FOXN3: variants seen among roughly 807,000 people sequenced by gnomAD.
FOXN3 encodes the protein forkhead box protein N3.
Under a neutral mutation model 38.4 loss-of-function variants are expected in FOXN3, and 7 were observed. The observed-to-expected ratio is 0.18, with a 90% CI of 0.10 to 0.34. The LOEUF is 0.34. Ranked by LOEUF, FOXN3 falls within the 10% of genes least tolerant of loss-of-function variation. The pLI, the probability that FOXN3 is intolerant of heterozygous loss-of-function variation, is 1.00. For missense variants in FOXN3, 456 were observed against 613.4 expected, an observed-to-expected ratio of 0.74 and a Z score of 2.71; for synonymous variants, 230 against 242.2, an observed-to-expected ratio of 0.95 and a Z score of 0.47.
At chr14:89,231,572 G>A (rs1024470624) in intron 4 of FOXN3, among the ~76,000 whole-genome samples, 1 of 152,142 alleles carries the variant, frequency 6.6e-6, no homozygotes, top group African/African-American at 2.4e-5. Context: ...TGACAGAGGA[G>A]TGTGGTTCTG....
intron 1 of FOXN3, among the ~76,000 whole-genome samples, chr14:89,525,631 T>TAAAAAA (rs55848557): frequency 8.1e-6 from 1 of 123,892 alleles, no homozygotes. Flanking sequence ...TTGTTTTCAC[T>TAAAAAA]AAAAAAAAAA....
chr14:89,185,362 C>T (rs1001175308), intron 4 of FOXN3, among the ~76,000 whole-genome samples: 1 of 152,216 alleles, frequency 6.6e-6, no homozygotes, highest in South Asian at 2.1e-4. Context: ...TAGAGAAAGG[C>T]ATTCTGAGGC....
chr14:89,225,514 G>C (rs1478203739), intron 4 of FOXN3, among the ~76,000 whole-genome samples: 1 of 152,078 alleles, frequency 6.6e-6, no homozygotes, highest in Non-Finnish European at 1.5e-5. Context: ...TGAGGCAGGA[G>C]AATGGCGTGA....
chr14:89,583,482 C>T (rs1895785464), intron 1 of FOXN3, among the ~76,000 whole-genome samples: 1 of 152,180 alleles, frequency 6.6e-6, no homozygotes, highest in Non-Finnish European at 1.5e-5. Flanking sequence ...CTCACCAGAC[C>T]CAATGCTGGC....
rs1369843445 is a variant in FOXN3 at position 89,163,128 on chromosome 14, C to T, written c.852-159G>A. The stretch of plus-strand genomic sequence containing the variant: ...ACTGTGGGGGCAACAGGTGGATCTG[C>T]TTTGAAGGCAGGGTCCTAAATCCTG... On this transcript the variant is annotated intron_variant, in intron 5 of 5. Transcript: ENST00000557258. This position sits in a 1 kb window ranked among gnomAD's most constrained non-coding sequence, Gnocchi z 4.3. 6.6e-6 allele frequency among the ~76,000 whole-genome samples: 1 copy of T among 152,158 alleles called. No individual in the cohort carries two copies. Among genetic ancestry groups the T allele is most frequent in the African/African-American group, 2.4e-5 (1 of 41,444 alleles).
intron 1 of FOXN3, among the ~76,000 whole-genome samples, chr14:89,614,512 T>C (rs1020316094): frequency 6.6e-6 from 1 of 152,186 alleles, no homozygotes; most frequent in African/African-American, 2.4e-5. Flanking sequence ...TTTTTCCTGC[T>C]CACTATGAGC....
chr14:89,518,333 C>T (rs911926032), intron 1 of FOXN3, among the ~76,000 whole-genome samples: 5 of 152,170 alleles, frequency 3.3e-5, no homozygotes, highest in Non-Finnish European at 1.5e-5. Flanking sequence ...CTCTGATCAG[C>T]CCCCAAATCC....
At chr14:89,491,785 A>G (rs1893581879) in intron 1 of FOXN3, among the ~76,000 whole-genome samples, 1 of 152,134 alleles carries the variant, frequency 6.6e-6, no homozygotes, top group African/African-American at 2.4e-5. Context: ...ACTATTTGGG[A>G]ATCCCTCAAA....
chr14:89,429,088 G>T (rs1892105992), intron 1 of FOXN3, among the ~76,000 whole-genome samples: 1 of 152,230 alleles, frequency 6.6e-6, no homozygotes, highest in South Asian at 2.1e-4. Context: ...ATGATTTGGA[G>T]TTGGGAGGCA....
intron 1 of FOXN3, among the ~76,000 whole-genome samples, chr14:89,579,644 T>C (rs889321398): frequency 1.3e-5 from 2 of 151,996 alleles, no homozygotes; most frequent in African/African-American, 4.8e-5. Flanking sequence ...CAGGTCCTTC[T>C]TCCTGTTCCT....
intron 2 of FOXN3, among the ~76,000 whole-genome samples, chr14:89,370,629 T>C (rs953744798): frequency 1.3e-5 from 2 of 152,246 alleles, no homozygotes; most frequent in African/African-American, 4.8e-5. Context: ...TTTAGAAATG[T>C]TTAAAGGGAA....
chr14:89,618,682 C>T (rs1049648972), intron 1 of FOXN3, among the ~76,000 whole-genome samples: 2 of 151,766 alleles, frequency 1.3e-5, no homozygotes, highest in Admixed American at 6.6e-5. Context: ...AACAGAATTG[C>T]ATCAATTATT....
intron 1 of FOXN3, among the ~76,000 whole-genome samples, chr14:89,602,494 T>C (rs187765251): frequency 1.5e-4 from 22 of 150,984 alleles, no homozygotes; most frequent in African/African-American, 5.3e-4. Flanking sequence ...CATTTTTTTC[T>C]TTTTTTTCTT....
chr14:89,390,274 T>C (rs1272882223), intron 2 of FOXN3, among the ~76,000 whole-genome samples: 8 of 145,896 alleles, frequency 5.5e-5, no homozygotes, highest in South Asian at 4.3e-4. Context: ...TATGTTTCAA[T>C]AGATCTCTCT....
In FOXN3 at chr14:89,385,499, T is replaced by TAAAAAAA. The variant is rs10681650; in HGVS notation, c.543+26428_543+26434dup. On this transcript the variant is annotated intron_variant, in intron 2 of 5. Transcript: ENST00000557258. ...AATAACAAAAGCTGAGGCAAACATT[T>TAAAAAAA]AAAAAAAAAAAAAAAAAAAAAAGGA... 4.7e-3 allele frequency among the ~76,000 whole-genome samples: 516 copies of TAAAAAAA among 108,750 alleles called. 4 individuals are homozygous for TAAAAAAA. Among genetic ancestry groups the TAAAAAAA allele is most frequent in the East Asian group, 0.01 (36 of 3,538 alleles). 71.3% of individuals were successfully genotyped at this position (108,750 alleles called of 152,430 possible). A position where few individuals can be genotyped will look rare whatever the true frequency, so the allele number is the denominator to read the frequency against.
chr14:89,359,138 T>C (rs918018649), intron 2 of FOXN3, among the ~76,000 whole-genome samples: 1 of 151,836 alleles, frequency 6.6e-6, no homozygotes, highest in African/African-American at 2.4e-5. Flanking sequence ...CTGCTAAAAA[T>C]ACAAAAAATT....
Position 89,497,801 on chromosome 14 carries a change from G to T in FOXN3, c.-14-85311C>A, listed in dbSNP as rs1008056597. On this transcript the variant is annotated intron_variant, in intron 1 of 6. Transcript: ENST00000345097. ...ATATGGTAATTTTATATTAATTTTT[G>T]GGGGGAACTGCCGTACTATTTTCCA... 5.9e-5 allele frequency among the ~76,000 whole-genome samples: 9 copies of T among 152,092 alleles called. No individual in the cohort carries two copies. In the East Asian group the frequency reaches 1.2e-3, roughly 20 times the overall value.
intron 1 of FOXN3, among the ~76,000 whole-genome samples, chr14:89,453,093 T>C (rs558350013): frequency 6.6e-6 from 1 of 151,748 alleles, no homozygotes; most frequent in African/African-American, 2.4e-5. Flanking sequence ...CAGATACTCA[T>C]GAGGCTGAGG....
intron 1 of FOXN3, among the ~76,000 whole-genome samples, chr14:89,496,437 T>C (rs1474678383): frequency 6.6e-6 from 1 of 151,906 alleles, no homozygotes; most frequent in Non-Finnish European, 1.5e-5. Context: ...CCACCTTCCT[T>C]CCCAGGAGTG....
Sources: gnomAD v4.1 joint callset for allele counts (sites outside exome capture counted in the v4.1 genomes callset) on GRCh38, gnomAD v4.1.1 for gene constraint, Gnocchi (gnomAD v3.1) non-coding constraint, MANE v1.5 for transcripts, NCBI Gene and HGNC (gene_info 2026-07-23, HGNC 2026-07-21) for gene names.